Variants in CSMD1 observed in about 807,000 individuals in gnomAD.
CSMD1 encodes CUB and sushi domain-containing protein 1.
CSMD1 carries 213 observed loss-of-function variants against 417.5 expected under a neutral mutation model. The observed-to-expected ratio is 0.51, with a 90% CI of 0.46 to 0.57. The LOEUF (loss-of-function observed/expected upper bound fraction) is 0.57, where lower values mean the gene tolerates loss of function less well. Among genes scored for constraint, CSMD1 ranks in the 20% least tolerant of loss-of-function variants. The pLI is 0.00. For missense variants in CSMD1, 6,923 were observed against 4,529.7 expected (o/e 1.53, Z -15.17); for synonymous variants, 2,862 against 1,736.8 (o/e 1.65, Z -16.11).
intron 49 of CSMD1, among the ~76,000 whole-genome samples, chr8:3,059,215 T>A (rs1189628907): frequency 2.1e-5 from 3 of 142,768 alleles, no homozygotes; most frequent in Admixed American, 1.4e-4. Flanking sequence ...TAAGGAAAAA[T>A]ATTAAAAGTA....
intron 3 of CSMD1, among the ~76,000 whole-genome samples, chr8:4,375,942 T>C (rs1299742671): frequency 6.6e-6 from 1 of 152,162 alleles, no homozygotes; most frequent in Non-Finnish European, 1.5e-5. Context: ...TGCAGAGAGT[T>C]TCCTGGCAAC....
intron 3 of CSMD1, among the ~76,000 whole-genome samples, chr8:4,356,651 G>C (rs570220587): frequency 2.0e-5 from 3 of 152,238 alleles, no homozygotes; most frequent in South Asian, 2.1e-4. Context: ...TGCGAAGGTA[G>C]TTCACATACA....
rs149467707 is a variant in CSMD1, at chr8:3,303,390, G to C, written c.3950+4305C>G. ...CCACTAGAAAGAAAATCCAGGTCAG[G>C]ACAGCCAGCAGAACACCAGGGTCGT... is the stretch of plus-strand genomic sequence containing the variant. On this transcript the variant is annotated intron_variant, in intron 25 of 69. Coordinates refer to ENST00000635120, the MANE Select transcript of CSMD1 (RefSeq NM_033225.6). 9.4e-3 allele frequency among the ~76,000 whole-genome samples: 1,437 copies of C among 152,254 alleles called. 15 individuals carry two copies. The highest frequency in any genetic ancestry group is 0.048 in the South Asian group (229 of 4,816).
At chr8:4,606,375 T>C (rs573337183) in intron 2 of CSMD1, among the ~76,000 whole-genome samples, 127 of 152,276 alleles carry the variant, frequency 8.3e-4, no homozygotes, top group African/African-American at 2.9e-3. Flanking sequence ...AAAAGAGTTC[T>C]TTCTGTGCCA....
At chr8:4,419,540 G>C (rs889599255) in intron 3 of CSMD1, among the ~76,000 whole-genome samples, 16 of 152,080 alleles carry the variant, frequency 1.1e-4, no homozygotes, top group African/African-American at 3.6e-4. Context: ...TTTCAGCTTT[G>C]ACAACAAAAG....
chr8:3,338,073 G>A (rs1807390570), intron 23 of CSMD1, among the ~76,000 whole-genome samples: 1 of 152,324 alleles, frequency 6.6e-6, no homozygotes, highest in South Asian at 2.1e-4. Context: ...GGCGTTGTGG[G>A]ATTGGAATTG....
chr8:4,210,885 G>C (rs890104736), intron 3 of CSMD1, among the ~76,000 whole-genome samples: 3 of 152,070 alleles, frequency 2.0e-5, no homozygotes, highest in Admixed American at 6.6e-5. Context: ...TGGTCCCTCA[G>C]ACCATATTTT....
intron 1 of CSMD1, among the ~76,000 whole-genome samples, chr8:4,881,915 T>C (rs1295754107): frequency 6.6e-6 from 1 of 151,990 alleles, no homozygotes; most frequent in African/African-American, 2.4e-5. Flanking sequence ...CTGGACACTT[T>C]TGTGGGGTTC....
chr8:4,174,360 A>C (rs1361778068), intron 3 of CSMD1, among the ~76,000 whole-genome samples: 2 of 152,116 alleles, frequency 1.3e-5, no homozygotes, highest in African/African-American at 4.8e-5. Flanking sequence ...GCAGTCTCTG[A>C]GAGAGCAAGT....
At chr8:4,349,991 T>C (rs574831827) in intron 3 of CSMD1, among the ~76,000 whole-genome samples, 6 of 152,236 alleles carry the variant, frequency 3.9e-5, no homozygotes, top group South Asian at 4.1e-4. Context: ...AAGTAATAGC[T>C]TTGGTCCCTG....
chr8:4,566,595 G>C (rs951217358), intron 2 of CSMD1, among the ~76,000 whole-genome samples: 1 of 136,842 alleles, frequency 7.3e-6, no homozygotes, highest in African/African-American at 2.7e-5. Flanking sequence ...GGAGCTTGCA[G>C]TGAGCTGAGA....
intron 11 of CSMD1, among the ~76,000 whole-genome samples, chr8:3,471,162 A>T (rs1283430578): frequency 1.3e-5 from 2 of 152,162 alleles, no homozygotes; most frequent in Non-Finnish European, 2.9e-5. Flanking sequence ...TTGTATTCTC[A>T]ATAGGCATTC....
At chr8:4,414,346 G>A (rs1335529022) in intron 3 of CSMD1, among the ~76,000 whole-genome samples, 1 of 152,144 alleles carries the variant, frequency 6.6e-6, no homozygotes, top group Non-Finnish European at 1.5e-5. Flanking sequence ...GGTCTCTCTA[G>A]CAGCCCAGAT....
At chr8:4,385,500 C>G (rs1188858358) in intron 3 of CSMD1, among the ~76,000 whole-genome samples, 1 of 152,136 alleles carries the variant, frequency 6.6e-6, no homozygotes, top group Non-Finnish European at 1.5e-5. Context: ...GAGCTTAGTA[C>G]TACCGTATTA....
At chr8:4,157,001 G>C (rs1298722374) in intron 3 of CSMD1, among the ~76,000 whole-genome samples, 2 of 152,118 alleles carry the variant, frequency 1.3e-5, no homozygotes, top group Admixed American at 1.3e-4. Context: ...ATGATATTAA[G>C]TAGGGGTGGT....
At chr8:3,875,393 T>C (rs146674712) in intron 5 of CSMD1, among the ~76,000 whole-genome samples, 2,047 of 152,174 alleles carry the variant, frequency 0.013, 33 homozygotes, top group African/African-American at 0.046. Flanking sequence ...TGCGTAGACA[T>C]GGTCTATGAA....
intron 3 of CSMD1, among the ~76,000 whole-genome samples, chr8:4,034,781 T>C (rs750473630): frequency 6.6e-6 from 1 of 152,216 alleles, no homozygotes; most frequent in Non-Finnish European, 1.5e-5. Flanking sequence ...TCATTATTAT[T>C]AACTGCTACT....
At chr8:3,895,406 G>A (rs1428469004) in intron 5 of CSMD1, among the ~76,000 whole-genome samples, 2 of 152,076 alleles carry the variant, frequency 1.3e-5, no homozygotes, top group African/African-American at 2.4e-5. Flanking sequence ...GTGATTGTGG[G>A]TTTCTGTGGC....
chr8:4,713,614 T>C (rs1209987275), intron 1 of CSMD1, among the ~76,000 whole-genome samples: 1 of 151,992 alleles, frequency 6.6e-6, no homozygotes, highest in South Asian at 2.1e-4. Context: ...TGATAATGCA[T>C]AAAGTTCTCA....
Sources: allele counts gnomAD v4.1 joint callset (sites outside exome capture counted in the v4.1 genomes callset), GRCh38; gene constraint gnomAD v4.1.1; transcripts MANE v1.5; gene names NCBI Gene and HGNC (gene_info 2026-07-23, HGNC 2026-07-21).